Variants in PBX1 observed in about 807,000 individuals in gnomAD.
The protein encoded by PBX1 is pre-B-cell leukemia transcription factor 1.
Under a neutral mutation model 53.4 loss-of-function variants are expected in PBX1, and 6 were observed. That is an observed-to-expected ratio of 0.11 (90% CI 0.06 to 0.22). PBX1 has a LOEUF of 0.22. Ranked by LOEUF, PBX1 falls within the 10% of genes least tolerant of loss-of-function variation. PBX1 has a pLI of 1.00. For synonymous variants in PBX1, 204 were observed against 212.3 expected, an observed-to-expected ratio of 0.96 and a Z score of 0.34; for missense variants, 251 against 551.4, an observed-to-expected ratio of 0.46 and a Z score of 5.46.
chr1:164,665,147 CA>C (rs1660733503), intron 2 of PBX1, among the ~76,000 whole-genome samples: 2 of 152,130 alleles, frequency 1.3e-5, no homozygotes, highest in Non-Finnish European at 1.5e-5. Flanking sequence ...TGTACATTGG[CA>C]ACATAGCTGT....
chr1:164,618,021 T>C (rs1415295598), intron 2 of PBX1, among the ~76,000 whole-genome samples: 10 of 152,178 alleles, frequency 6.6e-5, no homozygotes, highest in Admixed American at 6.5e-5. Flanking sequence ...TCCAGCGGCC[T>C]ATGCTGCCTC....
At position 164,792,349 on chromosome 1, in the gene PBX1, C is replaced by G. The variant is rs533607792; in HGVS notation, c.266-145C>G. 8 of 1,410,848 alleles carry G rather than the reference C, an allele frequency of 5.7e-6. No individual in the cohort carries two copies. The South Asian group carries it at 1.2e-4, about 21-fold the overall frequency. 87.4% of individuals were successfully genotyped at this position (1,410,848 alleles called of 1,614,324 possible). On this transcript the variant is annotated intron_variant, in intron 2 of 8. Coordinates refer to ENST00000420696, the MANE Select transcript of PBX1 (RefSeq NM_002585.4). ...ATTTTCTCACCCTCTCAGTTTCTCTCTTTTTCCAGCCTTTCTTCTATTCCT... is the reference window on the plus strand; with the variant it reads ...ATTTTCTCACCCTCTCAGTTTCTCTGTTTTTCCAGCCTTTCTTCTATTCCT...
intron 2 of PBX1, among the ~76,000 whole-genome samples, chr1:164,566,682 C>T (rs916765788): frequency 3.9e-5 from 6 of 152,248 alleles, no homozygotes; most frequent in African/African-American, 1.4e-4. Flanking sequence ...TATTTTTAAA[C>T]ATTTCCTGAT....
chr1:164,642,168 A>T (rs2101902350), intron 2 of PBX1: 1 of 152,188 alleles, frequency 6.6e-6, no homozygotes, highest in African/African-American at 2.4e-5. Flanking sequence ...GTGCATTTCC[A>T]CATTTCCATC....
chr1:164,820,296 C>T, intron 7 of PBX1, 112 bp downstream of exon 7: 1 of 655,798 alleles, frequency 1.5e-6, no homozygotes, highest in African/African-American at 1.8e-5. Context: ...AGATCAGAAC[C>T]AAAACCTTAC....
intron 2 of PBX1, among the ~76,000 whole-genome samples, chr1:164,677,740 T>A (rs1245036161): frequency 2.0e-5 from 3 of 151,684 alleles, no homozygotes; most frequent in Non-Finnish European, 4.4e-5. Context: ...ACACATGGTG[T>A]AGTAAGAGGG....
chr1:164,578,257 C>CT lies in PBX1; in HGVS notation c.265+14946_265+14947insT, dbSNP rs563158770. On this transcript the variant is annotated intron_variant, in intron 2 of 8. Transcript: ENST00000420696. ...TTTGTAAGTAGAGGTTATGGAAGCT[C>CT]AATTATTTTTTAAGTAAGTTTCATA... is the stretch of plus-strand genomic sequence containing the variant. Among the ~76,000 whole-genome samples the CT allele has an allele frequency of 2.2e-3, 330 of 152,272 alleles. 1 individual carries two copies. The highest frequency in any genetic ancestry group is 7.3e-3 in the African/African-American group (305 of 41,550).
chr1:164,829,054 T>C (rs1670620677), intron 8 of PBX1: 1 of 152,206 alleles, frequency 6.6e-6, no homozygotes, highest in Admixed American at 6.5e-5. Context: ...TCCACAAATG[T>C]TTATTGAGAT....
chr1:164,563,321 A>G lies in PBX1; in HGVS notation c.265+10A>G. 1 of 1,579,532 alleles carries G rather than the reference A, an allele frequency of 6.3e-7. No individual in the cohort carries two copies. Among genetic ancestry groups the G allele is most frequent in the Non-Finnish European group, 8.7e-7 (1 of 1,151,150 alleles). On this transcript the variant is annotated intron_variant, in intron 2 of 8. Coordinates refer to ENST00000420696, the MANE Select transcript of PBX1 (RefSeq NM_002585.4). ...ATCAAAGAAAAAACAGGTAGGAATGAGATTCCAACATTTTAGCATTTTCTT... is the reference window on the plus strand; with the variant it reads ...ATCAAAGAAAAAACAGGTAGGAATGGGATTCCAACATTTTAGCATTTTCTT...
At chr1:164,768,129 TA>T (rs369795825) in intron 2 of PBX1, among the ~76,000 whole-genome samples, 2 of 151,044 alleles carry the variant, frequency 1.3e-5, no homozygotes, top group African/African-American at 4.9e-5. Flanking sequence ...GAAAAGGGAG[TA>T]AAAAAAACCT....
intron 2 of PBX1, among the ~76,000 whole-genome samples, chr1:164,611,517 C>T (rs555263905): frequency 2.0e-5 from 3 of 152,152 alleles, no homozygotes; most frequent in African/African-American, 7.2e-5. Flanking sequence ...GGATTACAGG[C>T]GTGAGCCACC....
Position 164,849,945 on chromosome 1 carries a change from A to G in PBX1, c.*3269A>G, listed in dbSNP as rs1671750900. 1 of 228,508 alleles carries G rather than the reference A, an allele frequency of 4.4e-6. No individual in the cohort carries two copies. The highest frequency in any genetic ancestry group is 1.8e-4 in the South Asian group (1 of 5,484). 14.2% of individuals were successfully genotyped at this position (228,508 alleles called of 1,614,324 possible). ...AATACTCAACGATTCTTTCAGCTTT[A>G]TTAACATTTTCCATTGTTTCTTGCG... On this transcript the variant is annotated 3_prime_UTR_variant, in exon 9 of 9. Coordinates refer to ENST00000420696, the MANE Select transcript of PBX1 (RefSeq NM_002585.4).
chr1:164,661,521 G>C (rs1290084915), intron 2 of PBX1, among the ~76,000 whole-genome samples: 1 of 151,434 alleles, frequency 6.6e-6, no homozygotes, highest in African/African-American at 2.4e-5. Flanking sequence ...CCACCTCCCG[G>C]GTTCAAACAA....
At chr1:164,811,237 T>A (rs1403140903) in intron 5 of PBX1, among the ~76,000 whole-genome samples, 1 of 152,166 alleles carries the variant, frequency 6.6e-6, no homozygotes, top group Non-Finnish European at 1.5e-5. Flanking sequence ...GGTCTTGGTA[T>A]GAAGGGAGCA....
At chr1:164,653,165 C>T (rs948976083) in intron 2 of PBX1, among the ~76,000 whole-genome samples, 1 of 152,100 alleles carries the variant, frequency 6.6e-6, no homozygotes, top group Admixed American at 6.5e-5. Context: ...CCACACCCAG[C>T]CTTGTTTAAA....
At chr1:164,771,382 G>GA (rs1667363563) in intron 2 of PBX1, 1 of 151,956 alleles carries the variant, frequency 6.6e-6, no homozygotes, top group Admixed American at 6.6e-5. Context: ...TGCCTTTCAT[G>GA]AAAGGCAGAC....
chr1:164,862,682 C>A (rs1233170518), intron 2 of PBX1, among the ~76,000 whole-genome samples: 1 of 152,062 alleles, frequency 6.6e-6, no homozygotes, highest in Non-Finnish European at 1.5e-5. Flanking sequence ...TTTAATGTGT[C>A]ATAGTATAGG....
chr1:164,610,068 A>C (rs1656807304), intron 2 of PBX1, among the ~76,000 whole-genome samples: 1 of 152,124 alleles, frequency 6.6e-6, no homozygotes, highest in Admixed American at 6.5e-5. Context: ...CCCACCTTCC[A>C]TGCCTGCGCG....
intron 2 of PBX1, among the ~76,000 whole-genome samples, chr1:164,777,007 T>G (rs1667706600): frequency 1.5e-5 from 2 of 136,450 alleles, no homozygotes; most frequent in East Asian, 2.7e-4. Flanking sequence ...GGGGCTGCCA[T>G]CCAGAAGATG....
Sources: allele counts gnomAD v4.1 joint callset (sites outside exome capture counted in the v4.1 genomes callset), GRCh38; gene constraint gnomAD v4.1.1; transcripts MANE v1.5; gene names NCBI Gene and HGNC (gene_info 2026-07-23, HGNC 2026-07-21).